The following LRMDA variants were observed in gnomAD, a reference collection of about 807,000 sequenced individuals.
LRMDA encodes leucine rich melanocyte differentiation associated.
A neutral mutation model predicts 29.8 loss-of-function variants in LRMDA; 18 were observed. The observed-to-expected ratio is 0.60, with a 90% CI of 0.42 to 0.90. The LOEUF is 0.90. Ranked by LOEUF, LRMDA falls within the 40% of genes least tolerant of loss-of-function variation. The probability of loss-of-function intolerance (pLI) is 0.00; values close to 1 mark genes in which losing one functional copy is unlikely to be tolerated. For missense variants in LRMDA, 273 were observed against 273.9 expected (o/e 1.00, Z 0.02); for synonymous variants, 125 against 109.4 (o/e 1.14, Z -0.89).
In LRMDA at chr10:75,819,262, G is replaced by A. The variant is rs565804426; in HGVS notation, c.132-216746G>A. Among the ~76,000 whole-genome samples, 130 of 152,290 alleles carry A rather than the reference G, an allele frequency of 8.5e-4. 1 individual carries two copies. Among genetic ancestry groups the A allele is most frequent in the Non-Finnish European group, 9.9e-4 (67 of 68,020 alleles). Reference sequence around the variant, plus strand: ...GTGGCATTATTTGAGAAGTCCTAGTGCTGATAAGTTTGTGATCAGTGACTT... The same window carrying A: ...GTGGCATTATTTGAGAAGTCCTAGTACTGATAAGTTTGTGATCAGTGACTT... On this transcript the variant is annotated intron_variant, in intron 2 of 6. Transcript: ENST00000611255.
intron 6 of LRMDA, among the ~76,000 whole-genome samples, chr10:76,475,774 C>A (rs915635293): frequency 3.3e-5 from 5 of 152,108 alleles, no homozygotes; most frequent in African/African-American, 2.4e-5. Context: ...TACATGGAAA[C>A]TGAACAACCT....
chr10:75,757,432 T>A (rs1843045276), intron 2 of LRMDA, among the ~76,000 whole-genome samples: 1 of 152,146 alleles, frequency 6.6e-6, no homozygotes, highest in Non-Finnish European at 1.5e-5. Flanking sequence ...AACGTCTAGC[T>A]ATATGTCCAG....
chr10:75,581,609 A>T (rs1395251763), intron 2 of LRMDA, among the ~76,000 whole-genome samples: 1 of 151,698 alleles, frequency 6.6e-6, no homozygotes, highest in East Asian at 1.9e-4. Context: ...ATGCAGCCAT[A>T]AAAAAAGGAT....
intron 2 of LRMDA, among the ~76,000 whole-genome samples, chr10:75,523,195 T>G (rs979150669): frequency 6.6e-6 from 1 of 152,152 alleles, no homozygotes; most frequent in Non-Finnish European, 1.5e-5. Context: ...ACATATAGGT[T>G]GTTGCTGCTA....
chr10:75,585,228 C>T (rs1454553783), intron 2 of LRMDA, among the ~76,000 whole-genome samples: 1 of 152,192 alleles, frequency 6.6e-6, no homozygotes, highest in Non-Finnish European at 1.5e-5. Context: ...CCTGTTAAAA[C>T]TTTGTGTAAA....
chr10:75,899,254 G>T (rs535570656), intron 2 of LRMDA, among the ~76,000 whole-genome samples: 1 of 152,180 alleles, frequency 6.6e-6, no homozygotes, highest in Non-Finnish European at 1.5e-5. Context: ...TACCAAACTT[G>T]GTTCAGAATC....
chr10:75,458,353 C>T (rs1564776274), intron 2 of LRMDA, among the ~76,000 whole-genome samples: 1 of 152,134 alleles, frequency 6.6e-6, no homozygotes, highest in Non-Finnish European at 1.5e-5. Context: ...GGTCTACTTC[C>T]TGCCAGACTG....
At chr10:76,211,138 A>G (rs560908590) in intron 5 of LRMDA, among the ~76,000 whole-genome samples, 2 of 152,072 alleles carry the variant, frequency 1.3e-5, no homozygotes, top group African/African-American at 4.8e-5. Flanking sequence ...TTCACCTTCC[A>G]TGTCTTTGCT....
At chr10:76,164,032 A>T (rs552601003) in intron 5 of LRMDA, among the ~76,000 whole-genome samples, 16 of 152,286 alleles carry the variant, frequency 1.1e-4, no homozygotes, top group African/African-American at 3.8e-4. Flanking sequence ...ACACTTCCTT[A>T]AACAACCCTC....
At chr10:75,899,557 A>C (rs1201071865) in intron 2 of LRMDA, among the ~76,000 whole-genome samples, 2 of 152,198 alleles carry the variant, frequency 1.3e-5, no homozygotes, top group Admixed American at 1.3e-4. Flanking sequence ...TGGCTGTTAC[A>C]TGCAAGGCCA....
intron 5 of LRMDA, among the ~76,000 whole-genome samples, chr10:76,224,693 C>G (rs1484053499): frequency 9.3e-6 from 1 of 107,246 alleles, no homozygotes; most frequent in African/African-American, 3.1e-5. Context: ...TTTTTTTTAC[C>G]GGACAAAAAT....
At chr10:75,618,138 T>C (rs1180081545) in intron 2 of LRMDA, among the ~76,000 whole-genome samples, 2 of 152,186 alleles carry the variant, frequency 1.3e-5, no homozygotes, top group Non-Finnish European at 2.9e-5. Flanking sequence ...ACCTGCTGTA[T>C]TGTTGTTTAA....
chr10:75,851,524 T>C (rs761494963), intron 2 of LRMDA, among the ~76,000 whole-genome samples: 6 of 152,224 alleles, frequency 3.9e-5, no homozygotes, highest in Non-Finnish European at 8.8e-5. Flanking sequence ...GTTTTTTTTA[T>C]TGTGGAAGGC....
chr10:75,574,928 T>G (rs972886617), intron 2 of LRMDA, among the ~76,000 whole-genome samples: 12 of 152,194 alleles, frequency 7.9e-5, no homozygotes, highest in African/African-American at 2.9e-4. Context: ...ATTGGCTCAC[T>G]AATCACTGTT....
chr10:75,983,065 T>G (rs776017409), intron 2 of LRMDA, among the ~76,000 whole-genome samples: 15 of 152,192 alleles, frequency 9.9e-5, no homozygotes, highest in Non-Finnish European at 2.1e-4. Flanking sequence ...CTGTGCATTC[T>G]CTGCAGGACC....
At chr10:75,994,773 A>C (rs189920493) in intron 2 of LRMDA, among the ~76,000 whole-genome samples, 1 of 152,330 alleles carries the variant, frequency 6.6e-6, no homozygotes, top group Non-Finnish European at 1.5e-5. Context: ...GAGCTTTCAC[A>C]CCGAAAAAAT....
At chr10:75,954,228 A>C (rs1846626655) in intron 2 of LRMDA, among the ~76,000 whole-genome samples, 1 of 152,034 alleles carries the variant, frequency 6.6e-6, no homozygotes, top group Non-Finnish European at 1.5e-5. Context: ...GGGGACTAAC[A>C]CCTTGATTTT....
intron 2 of LRMDA, among the ~76,000 whole-genome samples, chr10:75,746,038 T>C (rs760040802): frequency 4.6e-5 from 7 of 152,208 alleles, no homozygotes; most frequent in Non-Finnish European, 7.3e-5. Flanking sequence ...AGGTATTTGT[T>C]TGGGAGGTTT....
intron 5 of LRMDA, among the ~76,000 whole-genome samples, chr10:76,284,941 G>A (rs1466555365): frequency 1.3e-5 from 2 of 152,162 alleles, no homozygotes; most frequent in African/African-American, 4.8e-5. Context: ...GTGGAAATGT[G>A]AGTCCATCAA....
Sources: gnomAD v4.1 joint callset for allele counts (sites outside exome capture counted in the v4.1 genomes callset) on GRCh38, gnomAD v4.1.1 for gene constraint, MANE v1.5 for transcripts, NCBI Gene and HGNC (gene_info 2026-07-23, HGNC 2026-07-21) for gene names.